Variants in CLSTN2 observed in about 807,000 individuals in gnomAD.
The protein encoded by CLSTN2 is calsyntenin-2.
In CLSTN2, 48 loss-of-function variants were observed where a neutral mutation model predicts 101.2. The ratio of observed to expected loss-of-function variants is 0.47; its 90% CI spans 0.38 to 0.60. The LOEUF is 0.60. Ranked by LOEUF, CLSTN2 falls within the 20% of genes least tolerant of loss-of-function variation. The pLI, the probability that CLSTN2 is intolerant of heterozygous loss-of-function variation, is 0.00. For missense variants in CLSTN2, 1,160 were observed against 1,238.2 expected (o/e 0.94, Z 0.95); for synonymous variants, 481 against 463.6 (o/e 1.04, Z -0.48).
At chr3:140,364,923 G>T (rs1189090407) in intron 2 of CLSTN2, among the ~76,000 whole-genome samples, 3 of 152,262 alleles carry the variant, frequency 2.0e-5, no homozygotes, top group East Asian at 3.9e-4. Flanking sequence ...GAATGTAATG[G>T]TCCAAAGCTG....
At chr3:140,052,895 G>T (rs749504477) in intron 1 of CLSTN2, among the ~76,000 whole-genome samples, 1 of 152,164 alleles carries the variant, frequency 6.6e-6, no homozygotes, top group Non-Finnish European at 1.5e-5. Context: ...ATATAGTGAG[G>T]ATTTAATAGC....
intron 2 of CLSTN2, among the ~76,000 whole-genome samples, chr3:140,296,265 C>T (rs1183846072): frequency 2.6e-5 from 4 of 152,134 alleles, no homozygotes; most frequent in African/African-American, 7.2e-5. Context: ...ATGTCAGTTC[C>T]CTGAAAACCA....
At chr3:140,459,289 G>A (rs1381673369) in intron 6 of CLSTN2, among the ~76,000 whole-genome samples, 1 of 152,116 alleles carries the variant, frequency 6.6e-6, no homozygotes, top group Non-Finnish European at 1.5e-5. Flanking sequence ...ATCCTATCTT[G>A]CCACATGCAG....
At chr3:140,523,989 C>T (rs1935087423) in intron 8 of CLSTN2, among the ~76,000 whole-genome samples, 1 of 152,208 alleles carries the variant, frequency 6.6e-6, no homozygotes, top group Admixed American at 6.5e-5. Context: ...ATCCAACTCT[C>T]CCTCTCTAGT....
intron 1 of CLSTN2, among the ~76,000 whole-genome samples, chr3:140,099,564 G>T (rs1033087169): frequency 6.6e-6 from 1 of 152,102 alleles, no homozygotes; most frequent in African/African-American, 2.4e-5. Flanking sequence ...CAGCAGCCTG[G>T]ATGTGGACCT....
intron 2 of CLSTN2, among the ~76,000 whole-genome samples, chr3:140,381,446 T>C (rs550578637): frequency 9.8e-5 from 15 of 152,318 alleles, no homozygotes; most frequent in African/African-American, 3.4e-4. Flanking sequence ...TTGGAAACCA[T>C]ACAGTGTCTT....
chr3:140,319,361 A>G (rs1398726579), intron 2 of CLSTN2, among the ~76,000 whole-genome samples: 3 of 152,184 alleles, frequency 2.0e-5, no homozygotes, highest in African/African-American at 7.2e-5. Context: ...AGTGGCTGCC[A>G]GTGGTACTTG....
At chr3:139,945,679 GT>G (rs146755100) in intron 1 of CLSTN2, among the ~76,000 whole-genome samples, 160 of 152,278 alleles carry the variant, frequency 1.1e-3, no homozygotes, top group African/African-American at 3.7e-3. Context: ...TCAAGTTGAT[GT>G]GTTGTTTTCC....
chr3:140,010,101 A>G (rs2007040830), intron 1 of CLSTN2, among the ~76,000 whole-genome samples: 1 of 152,194 alleles, frequency 6.6e-6, no homozygotes, highest in Non-Finnish European at 1.5e-5. Flanking sequence ...AGGATCCTGT[A>G]TCTTTGGCTT....
chr3:140,397,017 A>G (rs1392231645), intron 2 of CLSTN2, among the ~76,000 whole-genome samples: 1 of 152,212 alleles, frequency 6.6e-6, no homozygotes, highest in Non-Finnish European at 1.5e-5. Context: ...TACTATATCA[A>G]AAATTAAAAC....
At chr3:140,530,307 T>C (rs964904933) in intron 8 of CLSTN2, among the ~76,000 whole-genome samples, 1 of 152,228 alleles carries the variant, frequency 6.6e-6, no homozygotes, top group African/African-American at 2.4e-5. Context: ...CAAATAGACC[T>C]TTCCCAGCTG....
chr3:140,055,741 TAGAA>T (rs1243122224), intron 1 of CLSTN2, among the ~76,000 whole-genome samples: 2 of 152,200 alleles, frequency 1.3e-5, no homozygotes, highest in Non-Finnish European at 2.9e-5. Context: ...GCACTAATCT[TAGAA>T]AGGCGCTAAC....
intron 2 of CLSTN2, among the ~76,000 whole-genome samples, chr3:140,187,489 GA>G (rs2010500751): frequency 6.6e-6 from 1 of 152,134 alleles, no homozygotes. Context: ...GATGTTGTTT[GA>G]ACTCTTAGTG....
chr3:140,299,578 C>G (rs1012264854), intron 2 of CLSTN2, among the ~76,000 whole-genome samples: 1 of 152,180 alleles, frequency 6.6e-6, no homozygotes, highest in Non-Finnish European at 1.5e-5. Flanking sequence ...TATCAGTCCT[C>G]ATCCTGTCTA....
In CLSTN2 at chr3:140,481,482, A is replaced by T. The variant is rs1377762408; in HGVS notation, c.1344+14751A>T. ...AAAGTAGTTTTTTTCCAATTCTGTG[A>T]AGAAAGTCATTGGTAGCTTGATGGG... On this transcript the variant is annotated intron_variant, in intron 8 of 16. Coordinates refer to ENST00000458420, the MANE Select transcript of CLSTN2 (RefSeq NM_022131.3). 3.3e-5 allele frequency among the ~76,000 whole-genome samples: 5 copies of T among 152,328 alleles called. No homozygotes were observed. The East Asian group carries it at 9.6e-4, about 29-fold the overall frequency.
chr3:139,936,442 G>T (rs1158602415), intron 1 of CLSTN2, among the ~76,000 whole-genome samples: 1 of 152,192 alleles, frequency 6.6e-6, no homozygotes, highest in African/African-American at 2.4e-5. Flanking sequence ...GATTCTCTGC[G>T]CTGTTCATAA....
chr3:140,171,325 C>T (rs2010209181), intron 1 of CLSTN2, among the ~76,000 whole-genome samples: 1 of 152,050 alleles, frequency 6.6e-6, no homozygotes, highest in South Asian at 2.1e-4. Context: ...AAATGGGTTT[C>T]AGGGGCCAAG....
intron 2 of CLSTN2, among the ~76,000 whole-genome samples, chr3:140,373,053 T>C (rs769964624): frequency 6.6e-6 from 1 of 152,226 alleles, no homozygotes; most frequent in Non-Finnish European, 1.5e-5. Context: ...GGGGGACAGA[T>C]TGAGACCCTG....
rs1576460013 is a variant in CLSTN2, at chr3:140,186,464, A to G, written c.232+10391A>G. 2.6e-5 allele frequency among the ~76,000 whole-genome samples: 4 copies of G among 152,234 alleles called. No individual in the cohort carries two copies. In the South Asian group the frequency reaches 8.3e-4, roughly 31 times the overall value. ...TGTTTGAGATCACAAACCAAAGAAC[A>G]AGAGTGCAACCAGATATTTATAGTT... On this transcript the variant is annotated intron_variant, in intron 2 of 16. Coordinates refer to ENST00000458420, the MANE Select transcript of CLSTN2 (RefSeq NM_022131.3).
Sources: allele counts gnomAD v4.1 joint callset (sites outside exome capture counted in the v4.1 genomes callset), GRCh38; gene constraint gnomAD v4.1.1; transcripts MANE v1.5; gene names NCBI Gene and HGNC (gene_info 2026-07-23, HGNC 2026-07-21).